Variants in GRAMD4 observed in about 807,000 individuals in gnomAD.
GRAMD4 encodes the protein GRAM domain containing 4.
A neutral mutation model predicts 83.9 loss-of-function variants in GRAMD4; 25 were observed. The observed-to-expected ratio is 0.30, with a 90% CI of 0.22 to 0.42. GRAMD4 has a LOEUF of 0.42. Among genes scored for constraint, GRAMD4 ranks in the 10% least tolerant of loss-of-function variants. The pLI is 1.00. For missense variants in GRAMD4, 593 were observed against 788.7 expected, an observed-to-expected ratio of 0.75 and a Z score of 2.97; for synonymous variants, 336 against 320.9, an observed-to-expected ratio of 1.05 and a Z score of -0.50.
intron 1 of GRAMD4, among the ~76,000 whole-genome samples, chr22:46,588,515 G>A (rs1237932457): frequency 9.9e-5 from 15 of 152,250 alleles, no homozygotes; most frequent in Admixed American, 9.8e-4. Context: ...GAGGGGAGCT[G>A]TGGCCTCTGG....
intron 3 of GRAMD4, among the ~76,000 whole-genome samples, chr22:46,646,080 G>T (rs749574545): frequency 6.6e-6 from 1 of 152,154 alleles, no homozygotes; most frequent in Non-Finnish European, 1.5e-5. Context: ...GGGAGCCCTC[G>T]TGACTGCCTT....
chr22:46,618,608 G>A (rs2081533998), upstream of GRAMD4, among the ~76,000 whole-genome samples: 1 of 152,320 alleles, frequency 6.6e-6, no homozygotes, highest in African/African-American at 2.4e-5. The surrounding 1 kb of genome is among the most constrained non-coding windows in gnomAD (Gnocchi z 5.8). Flanking sequence ...CAGGGGCGCT[G>A]CAGAGGCTGA....
At position 46,653,366 on chromosome 22, in the gene GRAMD4, C is replaced by T. The variant is rs141257342; in HGVS notation, c.284-4821C>T. 3.0e-3 allele frequency among the ~76,000 whole-genome samples: 460 copies of T among 152,334 alleles called. 1 individual carries two copies. Among genetic ancestry groups the T allele is most frequent in the African/African-American group, 0.011 (445 of 41,582 alleles). The stretch of plus-strand genomic sequence containing the variant: ...GCTCTGGCGTTCACATTTGTCAGGG[C>T]TCTGCAGAGAGCCTGACCCCAGGAG... On this transcript the variant is annotated intron_variant, in intron 3 of 18. Coordinates refer to ENST00000406902, the MANE Select transcript of GRAMD4 (RefSeq NM_015124.5).
rs1569266405 is a variant in GRAMD4, at chr22:46,621,609, AGGCGC to A, written c.-50+1045_-50+1049del. 1.7e-5 allele frequency among the ~76,000 whole-genome samples: 1 copy of A among 59,772 alleles called. No individual in the cohort carries two copies. The highest frequency in any genetic ancestry group is 3.4e-5 in the Non-Finnish European group (1 of 29,520). 39.2% of individuals were successfully genotyped at this position (59,772 alleles called of 152,430 possible). On this transcript the variant is annotated intron_variant, in intron 1 of 18. Coordinates refer to ENST00000406902, the MANE Select transcript of GRAMD4 (RefSeq NM_015124.5). This position sits in a 1 kb window ranked among gnomAD's most constrained non-coding sequence, Gnocchi z 5.8. ...GCGGAGGGCACCCCTACCCCGGTGC[AGGCGC>A]AGGCTGGAGGCGTAGCCCGGGCCCA...
chr22:46,590,080 T>C (rs12167722), intron 1 of GRAMD4, among the ~76,000 whole-genome samples: 73,540 of 152,118 alleles, frequency 0.48, 19,916 homozygotes, highest in African/African-American at 0.74. Flanking sequence ...GATTCCTGCC[T>C]ACTGTTGGCC....
chr22:46,603,895 G>C (rs1276334065), intron 1 of GRAMD4, among the ~76,000 whole-genome samples: 3 of 152,134 alleles, frequency 2.0e-5, no homozygotes, highest in Admixed American at 6.6e-5. Context: ...TGCCCCTCCA[G>C]GGCCACCTTT....
chr22:46,680,933 C>A (rs180731858), downstream of GRAMD4, among the ~76,000 whole-genome samples: 136 of 68,966 alleles, frequency 2.0e-3, no homozygotes, highest in African/African-American at 8.0e-3. Context: ...CACCCATTTA[C>A]CCACCCACCC....
At chr22:46,624,730 A>G (rs1283249063) in intron 1 of GRAMD4, among the ~76,000 whole-genome samples, 1 of 152,018 alleles carries the variant, frequency 6.6e-6, no homozygotes, top group Non-Finnish European at 1.5e-5. Context: ...TGGCTGGCTC[A>G]TGCTCCCTCA....
intron 1 of GRAMD4, among the ~76,000 whole-genome samples, chr22:46,590,968 G>A (rs1389484900): frequency 2.6e-5 from 4 of 152,114 alleles, no homozygotes; most frequent in African/African-American, 9.7e-5. Flanking sequence ...GCTGTGGGAT[G>A]AAAATTGCAC....
chr22:46,602,247 C>T (rs4823569), intron 1 of GRAMD4, among the ~76,000 whole-genome samples: 40,187 of 152,170 alleles, frequency 0.26, 6,024 homozygotes, highest in East Asian at 0.63. Flanking sequence ...AGTGAAATCA[C>T]CATTTTGTTG....
intron 3 of GRAMD4, among the ~76,000 whole-genome samples, chr22:46,642,742 A>T (rs956352538): frequency 2.0e-5 from 3 of 152,146 alleles, no homozygotes; most frequent in Non-Finnish European, 2.9e-5. Flanking sequence ...ATTTCTAGAG[A>T]TGGCTTTTTT....
chr22:46,676,872 C>T (rs567496823), intron 18 of GRAMD4, among the ~76,000 whole-genome samples: 2 of 152,306 alleles, frequency 1.3e-5, no homozygotes, highest in East Asian at 1.9e-4. Context: ...ATCGAGTCAC[C>T]GGACAGACAG....
intron 1 of GRAMD4, among the ~76,000 whole-genome samples, chr22:46,613,277 C>T (rs1201758655): frequency 6.6e-6 from 1 of 152,226 alleles, no homozygotes; most frequent in Non-Finnish European, 1.5e-5. Context: ...CTGTGGCCAG[C>T]CTGGGCCTGG....
intron 1 of GRAMD4, among the ~76,000 whole-genome samples, chr22:46,611,228 A>AG (rs1569258769): frequency 6.6e-6 from 1 of 150,432 alleles, no homozygotes; most frequent in African/African-American, 2.4e-5. Flanking sequence ...AAAAAAAAAA[A>AG]TATTAAATAA....
At chr22:46,681,718 C>A (rs973628284), downstream of GRAMD4, among the ~76,000 whole-genome samples, 1 of 152,300 alleles carries the variant, frequency 6.6e-6, no homozygotes, top group Middle Eastern at 3.4e-3. Context: ...TGATTTTATT[C>A]TTGAACCAGG....
rs538788972 is a variant in GRAMD4, at chr22:46,651,847, TG to T, written c.284-6333del. ...GTGCCTTTGAGGGCGGAGCTGGAGG[TG>T]GGGGGGAGAGAGACGGAGCTAGGGG... On this transcript the variant is annotated intron_variant, in intron 3 of 18. Transcript: ENST00000406902. Among the ~76,000 whole-genome samples the T allele has an allele frequency of 3.9e-3, 594 of 151,042 alleles. 3 individuals are homozygous for T. Among genetic ancestry groups the T allele is most frequent in the Non-Finnish European group, 5.8e-3 (392 of 67,722 alleles).
chr22:46,594,304 G>A (rs1350563050), intron 1 of GRAMD4, among the ~76,000 whole-genome samples: 3 of 151,956 alleles, frequency 2.0e-5, no homozygotes, highest in Non-Finnish European at 4.4e-5. Flanking sequence ...CCTGCCTGGT[G>A]GGCCCCTCCT....
chr22:46,590,817 T>C (rs888107050), intron 1 of GRAMD4, among the ~76,000 whole-genome samples: 23 of 152,096 alleles, frequency 1.5e-4, no homozygotes, highest in South Asian at 1.0e-3. Context: ...TCCCAACACT[T>C]TGGGAGGCCG....
rs1482055282 is a variant in GRAMD4, at chr22:46,670,171, GTGTC to G, written c.1084+1267_1084+1270del. 4.6e-5 allele frequency among the ~76,000 whole-genome samples: 7 copies of G among 152,378 alleles called. No homozygotes were observed. The Middle Eastern group carries it at 0.01, about 222-fold the overall frequency. On this transcript the variant is annotated intron_variant, in intron 13 of 18. Coordinates refer to ENST00000406902, the MANE Select transcript of GRAMD4 (RefSeq NM_015124.5). Reference sequence around the variant, plus strand: ...GCTGCGCAGAGGAGCAGTGGGGGCTGTGTCTGTGTGGAAGAGCAGATGCCCCCTG... The same window carrying G: ...GCTGCGCAGAGGAGCAGTGGGGGCTGTGTGTGGAAGAGCAGATGCCCCCTG...
Sources: allele counts gnomAD v4.1 joint callset (sites outside exome capture counted in the v4.1 genomes callset), GRCh38; gene constraint gnomAD v4.1.1; non-coding constraint Gnocchi (gnomAD v3.1); transcripts MANE v1.5; gene names NCBI Gene and HGNC (gene_info 2026-07-23, HGNC 2026-07-21).